The following MLIP variants were observed in gnomAD, a reference collection of about 807,000 sequenced individuals.
The protein encoded by MLIP is muscular LMNA-interacting protein.
Under a neutral mutation model 84.8 loss-of-function variants are expected in MLIP, and 79 were observed. The ratio of observed to expected loss-of-function variants is 0.93; its 90% CI spans 0.78 to 1.12. The LOEUF is 1.12. Ranked by LOEUF, MLIP falls within the 50% of genes most tolerant of loss-of-function variation. The pLI, the probability that MLIP is intolerant of heterozygous loss-of-function variation, is 0.00. For missense variants in MLIP, 1,257 were observed against 1,160.6 expected, an observed-to-expected ratio of 1.08 and a Z score of -1.21; for synonymous variants, 504 against 463.0, an observed-to-expected ratio of 1.09 and a Z score of -1.14.
intron 1 of MLIP, among the ~76,000 whole-genome samples, chr6:54,022,806 G>A (rs1377365825): frequency 6.6e-6 from 1 of 152,050 alleles, no homozygotes; most frequent in Non-Finnish European, 1.5e-5. Flanking sequence ...AATTTCTATT[G>A]TATTAACATA....
chr6:54,230,811 C>T lies in MLIP; in HGVS notation c.2816C>T (p.Ser939Leu), dbSNP rs778702684. ...AKSLLHPQTL[S>L]HADCLAPGPF... ...TCACTGCTGCATCCACAGACCCTCTCACATGCTGACTGTCTTGCCCCAGGA... is the reference window on the plus strand; with the variant it reads ...TCACTGCTGCATCCACAGACCCTCTTACATGCTGACTGTCTTGCCCCAGGA... The change falls in exon 12 of 14, where the codon TCA becomes TTA. Residue 939 changes from serine (S) to leucine (L), a missense_variant. Coordinates refer to ENST00000502396, the MANE Select transcript of MLIP (RefSeq NM_001281747.2). 6.2e-7 allele frequency: 1 copy of T among 1,614,090 alleles called. No homozygotes were observed. Among genetic ancestry groups the T allele is most frequent in the South Asian group, 1.1e-5 (1 of 91,082 alleles).
intron 9 of MLIP, among the ~76,000 whole-genome samples, chr6:54,179,280 CTG>C (rs1776609638): frequency 6.6e-6 from 1 of 152,084 alleles, no homozygotes; most frequent in South Asian, 2.1e-4. Context: ...TATTTTCACT[CTG>C]TGAGTATGTT....
At chr6:54,252,436 T>C (rs1369934775) in intron 12 of MLIP, among the ~76,000 whole-genome samples, 1 of 79,224 alleles carries the variant, frequency 1.3e-5, no homozygotes, top group African/African-American at 1.1e-4. Flanking sequence ...ATATAATATA[T>C]AATATAACTA....
At chr6:54,257,993 A>C (rs1349907272) in intron 13 of MLIP, among the ~76,000 whole-genome samples, 1 of 152,132 alleles carries the variant, frequency 6.6e-6, no homozygotes, top group Non-Finnish European at 1.5e-5. Context: ...AAATTCTGTA[A>C]AGAAATGTTC....
rs368508685 is a variant in MLIP at position 54,213,734 on chromosome 6, A to AAAAAAAAACAAAAAAC, written c.2718+11503_2718+11504insAAAAAACAAAAAACAA. Among the ~76,000 whole-genome samples the AAAAAAAAACAAAAAAC allele has an allele frequency of 1.8e-4, 15 of 82,366 alleles. 2 individuals are homozygous for AAAAAAAAACAAAAAAC. Among genetic ancestry groups the AAAAAAAAACAAAAAAC allele is most frequent in the Admixed American group, 2.9e-4 (2 of 6,852 alleles). The allele number at this position is 82,366 out of a possible 152,430, so 54.0% of individuals were successfully genotyped here. A position where few individuals can be genotyped will look rare whatever the true frequency, so the allele number is the denominator to read the frequency against. On this transcript the variant is annotated intron_variant, in intron 11 of 13. Coordinates refer to ENST00000502396, the MANE Select transcript of MLIP (RefSeq NM_001281747.2). ...AAAAAAAAAAAAAAAAAAAAAAAAA[A>AAAAAAAAACAAAAAAC]AACAACAAACAGCATATCTTGTATG...
At chr6:54,131,495 C>T (rs1321198187) in intron 3 of MLIP, among the ~76,000 whole-genome samples, 2 of 151,958 alleles carry the variant, frequency 1.3e-5, no homozygotes, top group East Asian at 1.9e-4. Context: ...TGAAAAATTC[C>T]TTCACCTCTG....
In MLIP at chr6:54,111,539, G is replaced by C. The variant is rs550957008; in HGVS notation, c.60G>C (p.Ser20=). 8 of 1,536,004 alleles carry C rather than the reference G, an allele frequency of 5.2e-6. No individual in the cohort carries two copies. The highest frequency in any genetic ancestry group is 4.8e-5 in the South Asian group (4 of 84,056). The stretch of plus-strand genomic sequence containing the variant: ...GGAACAATTACTTCCAAATGACCTC[G>C]TGCATCTTATCAGGGAGCATTCAGA... ...DCGNNYFQMT[S]CILSGSIQTT... is the part of the protein sequence containing the mutation. Residue 20 remains serine, a synonymous_variant, in exon 1 of 14, where the codon TCG becomes TCC. Coordinates refer to ENST00000502396, the MANE Select transcript of MLIP (RefSeq NM_001281747.2).
At chr6:54,090,941 T>C (rs1767829500) in intron 1 of MLIP, among the ~76,000 whole-genome samples, 1 of 152,120 alleles carries the variant, frequency 6.6e-6, no homozygotes, top group Admixed American at 6.6e-5. Context: ...TTTTCATGTT[T>C]TTATGGGGGC....
In MLIP at chr6:54,137,656, T is replaced by C. The variant is rs1025241511; in HGVS notation, c.1587T>C (p.Pro529=). The change falls in exon 4 of 14, where the codon CCT becomes CCC. Residue 529 remains proline (P), a synonymous_variant. Coordinates refer to ENST00000502396, the MANE Select transcript of MLIP (RefSeq NM_001281747.2). ...ASMNVERTPS[P]TLKSNTMLSL... Reference sequence around the variant, plus strand: ...TGAATGTAGAGAGAACACCATCACCTACTTTGAAGAGCAATACCATGCTCT... The same window carrying C: ...TGAATGTAGAGAGAACACCATCACCCACTTTGAAGAGCAATACCATGCTCT... 1.2e-5 allele frequency: 18 copies of C among 1,536,100 alleles called. No homozygotes were observed. The African/African-American group carries it at 2.3e-4, about 20-fold the overall frequency.
intron 1 of MLIP, among the ~76,000 whole-genome samples, chr6:54,061,206 A>G (rs1053687173): frequency 2.0e-5 from 3 of 152,116 alleles, no homozygotes; most frequent in African/African-American, 7.2e-5. Flanking sequence ...ATCTCATCAT[A>G]TTAGTAGAAA....
At chr6:54,156,599 GTTTA>G (rs140113093) in intron 5 of MLIP, among the ~76,000 whole-genome samples, 326 of 152,200 alleles carry the variant, frequency 2.1e-3, no homozygotes, top group African/African-American at 7.5e-3. Context: ...GAAAGATATA[GTTTA>G]TTTGTCAATT....
chr6:54,154,849 C>G (rs1773849953), intron 5 of MLIP, among the ~76,000 whole-genome samples: 1 of 152,016 alleles, frequency 6.6e-6, no homozygotes, highest in Middle Eastern at 3.2e-3. Flanking sequence ...CAGCTCAATT[C>G]CTTGAGCTAC....
At chr6:54,145,670 G>T (rs561420290) in intron 4 of MLIP, among the ~76,000 whole-genome samples, 1 of 152,028 alleles carries the variant, frequency 6.6e-6, no homozygotes, top group African/African-American at 2.4e-5. Context: ...CAGATGCTCT[G>T]GAGGCTGAGG....
chr6:54,182,535 C>A (rs1776987653), intron 9 of MLIP, among the ~76,000 whole-genome samples: 1 of 151,978 alleles, frequency 6.6e-6, no homozygotes, highest in African/African-American at 2.4e-5. Flanking sequence ...TAGATAGTTG[C>A]TAAAATGTGG....
chr6:54,189,812 A>G, intron 9 of MLIP, 58 bp from the exon 10 acceptor site: 2 of 1,285,278 alleles, frequency 1.6e-6, no homozygotes, highest in Non-Finnish European at 2.3e-6. Context: ...ACTTAAACAC[A>G]TACATATTTT....
At chr6:54,120,590 T>C (rs1446345557) in intron 1 of MLIP, among the ~76,000 whole-genome samples, 1 of 152,184 alleles carries the variant, frequency 6.6e-6, no homozygotes, top group East Asian at 1.9e-4. Context: ...CTAATATGAC[T>C]ATGTCATTTT....
chr6:54,213,542 A>G (rs1779608391), intron 11 of MLIP, among the ~76,000 whole-genome samples: 1 of 151,906 alleles, frequency 6.6e-6, no homozygotes, highest in African/African-American at 2.4e-5. Flanking sequence ...TCTCTACTAA[A>G]AATACAAAAA....
intron 1 of MLIP, among the ~76,000 whole-genome samples, chr6:54,070,596 A>ATT (rs1278273813): frequency 6.6e-6 from 1 of 151,964 alleles, no homozygotes; most frequent in African/African-American, 2.4e-5. Context: ...GTATCCTGGG[A>ATT]TTTTTTTTGG....
At chr6:54,177,722 CT>C (rs1776437380) in intron 9 of MLIP, among the ~76,000 whole-genome samples, 1 of 152,138 alleles carries the variant, frequency 6.6e-6, no homozygotes. Context: ...ATAAGTCATT[CT>C]GTTATAAAGA....
Sources: allele counts gnomAD v4.1 joint callset (sites outside exome capture counted in the v4.1 genomes callset), GRCh38; gene constraint gnomAD v4.1.1; transcripts MANE v1.5; gene names NCBI Gene and HGNC (gene_info 2026-07-23, HGNC 2026-07-21).